IMMP2L: variants seen among roughly 807,000 people sequenced by gnomAD.
IMMP2L encodes the protein inner mitochondrial membrane peptidase subunit 2.
A neutral mutation model predicts 19.3 loss-of-function variants in IMMP2L; 18 were observed. The ratio of observed to expected loss-of-function variants is 0.93; its 90% CI spans 0.64 to 1.38. The LOEUF (loss-of-function observed/expected upper bound fraction) is 1.38, where lower values mean the gene tolerates loss of function less well. Ranked by LOEUF, IMMP2L falls within the 40% of genes most tolerant of loss-of-function variation. The pLI is 0.00. For missense variants in IMMP2L, 233 were observed against 218.2 expected (o/e 1.07, Z -0.43); for synonymous variants, 76 against 73.0 (o/e 1.04, Z -0.21).
At chr7:111,328,394 T>C (rs907188115) in intron 3 of IMMP2L, among the ~76,000 whole-genome samples, 1 of 151,770 alleles carries the variant, frequency 6.6e-6, no homozygotes, top group Middle Eastern at 3.2e-3. Flanking sequence ...TAGAAATGCA[T>C]TTACATGGTT....
chr7:110,775,874 G>A (rs934322736), intron 5 of IMMP2L, among the ~76,000 whole-genome samples: 20 of 151,416 alleles, frequency 1.3e-4, no homozygotes, highest in Middle Eastern at 3.4e-3. Context: ...CCATGCCCAC[G>A]CATTACCCTG....
At chr7:111,423,608 T>C (rs1835796251) in intron 3 of IMMP2L, among the ~76,000 whole-genome samples, 1 of 151,900 alleles carries the variant, frequency 6.6e-6, no homozygotes, top group Admixed American at 6.6e-5. Context: ...TTCTCTCTTT[T>C]CTTCTTTATT....
At chr7:110,815,968 A>G (rs2131300649) in intron 5 of IMMP2L, among the ~76,000 whole-genome samples, 1 of 151,966 alleles carries the variant, frequency 6.6e-6, no homozygotes, top group Non-Finnish European at 1.5e-5. Context: ...TATTTCCTTC[A>G]GTTCTGCTCT....
intron 5 of IMMP2L, among the ~76,000 whole-genome samples, chr7:110,867,568 T>C (rs1344427716): frequency 6.6e-6 from 1 of 152,032 alleles, no homozygotes; most frequent in Non-Finnish European, 1.5e-5. Context: ...AGATGATAAA[T>C]AACATGACTA....
chr7:110,842,632 G>C (rs963857505), intron 5 of IMMP2L, among the ~76,000 whole-genome samples: 9 of 152,238 alleles, frequency 5.9e-5, no homozygotes, highest in African/African-American at 2.2e-4. Flanking sequence ...AAATAGGTAA[G>C]GAAGAAGGGA....
chr7:111,146,081 G>T (rs1803435065), intron 3 of IMMP2L, among the ~76,000 whole-genome samples: 1 of 152,078 alleles, frequency 6.6e-6, no homozygotes, highest in South Asian at 2.1e-4. Flanking sequence ...AATAAGTGAA[G>T]AGAAGTTGTA....
chr7:111,451,072 G>A (rs1192242184), intron 3 of IMMP2L, among the ~76,000 whole-genome samples: 1 of 147,702 alleles, frequency 6.8e-6, no homozygotes, highest in Non-Finnish European at 1.5e-5. Flanking sequence ...AGGTGCTGGA[G>A]AGGATGTGGA....
At chr7:111,109,293 A>G (rs1031886144) in intron 3 of IMMP2L, among the ~76,000 whole-genome samples, 2 of 152,052 alleles carry the variant, frequency 1.3e-5, no homozygotes, top group Admixed American at 1.3e-4. Flanking sequence ...CCAAGGTATG[A>G]CGGAGGCACA....
At chr7:111,502,980 C>T (rs1844457649) in intron 2 of IMMP2L, among the ~76,000 whole-genome samples, 1 of 150,578 alleles carries the variant, frequency 6.6e-6, no homozygotes, top group East Asian at 1.9e-4. Flanking sequence ...CAGAGCAGAA[C>T]TGAAGGAAAT....
intron 5 of IMMP2L, among the ~76,000 whole-genome samples, chr7:110,882,354 T>C (rs930040959): frequency 6.3e-5 from 8 of 127,928 alleles, no homozygotes; most frequent in African/African-American, 3.0e-4. Context: ...CCTTCCTCTC[T>C]CCCTCTCTCT....
intron 4 of IMMP2L, among the ~76,000 whole-genome samples, chr7:110,920,951 T>C (rs1055465006): frequency 6.6e-6 from 1 of 152,202 alleles, no homozygotes; most frequent in African/African-American, 2.4e-5. Context: ...TTAGATTTCA[T>C]CAGTTTTTCC....
chr7:111,129,232 C>T (rs2129592912), intron 3 of IMMP2L, among the ~76,000 whole-genome samples: 1 of 152,130 alleles, frequency 6.6e-6, no homozygotes, highest in East Asian at 1.9e-4. Flanking sequence ...TATATGTCAC[C>T]ATTCACAGTA....
intron 3 of IMMP2L, among the ~76,000 whole-genome samples, chr7:111,121,952 ATCAT>A (rs1347062712): frequency 6.6e-6 from 1 of 152,104 alleles, no homozygotes; most frequent in Non-Finnish European, 1.5e-5. Context: ...GCTGGAAATC[ATCAT>A]TCTCAGCAAA....
chr7:111,274,638 T>C (rs1029255218), intron 3 of IMMP2L, among the ~76,000 whole-genome samples: 7 of 152,174 alleles, frequency 4.6e-5, no homozygotes, highest in African/African-American at 1.7e-4. Context: ...AGCAGCTTTA[T>C]TGCAATTAAC....
intron 3 of IMMP2L, among the ~76,000 whole-genome samples, chr7:111,479,224 C>T (rs1348160653): frequency 1.3e-5 from 2 of 152,094 alleles, no homozygotes; most frequent in Non-Finnish European, 2.9e-5. Flanking sequence ...TTGACAGAAC[C>T]CAAGGTGAAA....
At chr7:111,461,169 C>G (rs1278491793) in intron 3 of IMMP2L, among the ~76,000 whole-genome samples, 2 of 152,014 alleles carry the variant, frequency 1.3e-5, no homozygotes, top group Non-Finnish European at 2.9e-5. Context: ...AAACATAAGC[C>G]TTTCCAATAT....
rs148282924 is a variant in IMMP2L at position 110,904,190 on chromosome 7, C to T, written c.306-17495G>A. ...TATATAGTTTGTAAATATTTTCCCCCATTCCACAGGTTGTCTTTTCATTCT... is the reference window on the plus strand; with the variant it reads ...TATATAGTTTGTAAATATTTTCCCCTATTCCACAGGTTGTCTTTTCATTCT... On this transcript the variant is annotated intron_variant, in intron 4 of 5. Coordinates refer to ENST00000405709, the MANE Select transcript of IMMP2L (RefSeq NM_032549.4). 6.5e-3 allele frequency among the ~76,000 whole-genome samples: 995 copies of T among 152,218 alleles called. 9 individuals carry two copies. Among genetic ancestry groups the T allele is most frequent in the African/African-American group, 0.023 (944 of 41,542 alleles).
At chr7:111,099,455 G>A (rs1409729034) in intron 3 of IMMP2L, among the ~76,000 whole-genome samples, 1 of 151,706 alleles carries the variant, frequency 6.6e-6, no homozygotes, top group Non-Finnish European at 1.5e-5. Context: ...TTCAAACTGA[G>A]GATGCTGAGC....
At position 111,522,926 on chromosome 7, in the gene IMMP2L, C is replaced by CATATATATAT. The variant is rs148789480; in HGVS notation, c.-2-1487_-2-1478dup. ...TGAATGAACTTTAAGATGTGAGATACATATATATATATTATTTCACCATAA... is the reference window on the plus strand; with the variant it reads ...TGAATGAACTTTAAGATGTGAGATACATATATATATATATATATATATTATTTCACCATAA... On this transcript the variant is annotated intron_variant, in intron 1 of 5. Coordinates refer to ENST00000405709, the MANE Select transcript of IMMP2L (RefSeq NM_032549.4). Among the ~76,000 whole-genome samples the CATATATATAT allele has an allele frequency of 4.9e-3, 665 of 134,952 alleles. 41 individuals are homozygous for CATATATATAT. Among genetic ancestry groups the CATATATATAT allele is most frequent in the African/African-American group, 0.02 (644 of 31,756 alleles). 88.5% of individuals were successfully genotyped at this position (134,952 alleles called of 152,430 possible).
Sources: gnomAD v4.1 joint callset for allele counts (sites outside exome capture counted in the v4.1 genomes callset) on GRCh38, gnomAD v4.1.1 for gene constraint, MANE v1.5 for transcripts, NCBI Gene and HGNC (gene_info 2026-07-23, HGNC 2026-07-21) for gene names.